Variants in CSMD1 observed in about 807,000 individuals in gnomAD.
The protein encoded by CSMD1 is CUB and Sushi multiple domains 1, also known as CUB and sushi domain-containing protein 1.
CSMD1 carries 213 observed loss-of-function variants against 417.5 expected under a neutral mutation model. The ratio of observed to expected loss-of-function variants is 0.51; its 90% CI spans 0.46 to 0.57. The LOEUF (loss-of-function observed/expected upper bound fraction) is 0.57, where lower values mean the gene tolerates loss of function less well. CSMD1 is among the 20% of genes least tolerant of loss of function. The pLI is 0.00. For synonymous variants in CSMD1, 2,862 were observed against 1,736.8 expected, an observed-to-expected ratio of 1.65 and a Z score of -16.11; for missense variants, 6,923 against 4,529.7, an observed-to-expected ratio of 1.53 and a Z score of -15.17.
chr8:4,349,208 G>A (rs975246974), intron 3 of CSMD1, among the ~76,000 whole-genome samples: 1 of 152,198 alleles, frequency 6.6e-6, no homozygotes, highest in African/African-American at 2.4e-5. Context: ...TAATCAGAAT[G>A]ACTATAAGAA....
chr8:3,521,190 C>A (rs937318532), intron 10 of CSMD1, among the ~76,000 whole-genome samples: 2 of 152,032 alleles, frequency 1.3e-5, no homozygotes, highest in Non-Finnish European at 2.9e-5. Context: ...CTATTTTTTT[C>A]ACACCCACCA....
intron 1 of CSMD1, among the ~76,000 whole-genome samples, chr8:4,810,195 C>A (rs1400868621): frequency 6.6e-6 from 1 of 152,198 alleles, no homozygotes. Context: ...GCAGTATTAA[C>A]TCACATCCAT....
intron 2 of CSMD1, among the ~76,000 whole-genome samples, chr8:4,614,822 A>G (rs1447635878): frequency 6.6e-6 from 1 of 152,224 alleles, no homozygotes; most frequent in Non-Finnish European, 1.5e-5. Context: ...AAAGATAATC[A>G]GACATTATTT....
At chr8:4,501,060 C>A (rs1295443002) in intron 2 of CSMD1, among the ~76,000 whole-genome samples, 1 of 151,122 alleles carries the variant, frequency 6.6e-6, no homozygotes, top group African/African-American at 2.4e-5. Flanking sequence ...AGACAGTGGG[C>A]CAAAAAAGAT....
At chr8:4,817,143 TTACA>T (rs1799255035) in intron 1 of CSMD1, among the ~76,000 whole-genome samples, 1 of 152,172 alleles carries the variant, frequency 6.6e-6, no homozygotes. Context: ...ATCATAATAT[TTACA>T]TAAATACACA....
At chr8:4,162,290 T>G (rs1797219964) in intron 3 of CSMD1, among the ~76,000 whole-genome samples, 2 of 152,224 alleles carry the variant, frequency 1.3e-5, no homozygotes. Flanking sequence ...TAAAGTTTGC[T>G]AAAGAAAACT....
intron 2 of CSMD1, among the ~76,000 whole-genome samples, chr8:4,451,077 G>A (rs1799114514): frequency 6.6e-6 from 1 of 152,146 alleles, no homozygotes; most frequent in Non-Finnish European, 1.5e-5. Context: ...AGTCAGTCAA[G>A]CACTTTGGGA....
chr8:3,708,273 C>G (rs1297906314), intron 7 of CSMD1, 141 bp downstream of exon 7: 1 of 671,862 alleles, frequency 1.5e-6, no homozygotes, highest in Non-Finnish European at 2.6e-6. Context: ...GTTCTTTCTC[C>G]CAGAAAATAC....
In CSMD1 at chr8:4,818,707, T is replaced by A. The variant is rs950288577; in HGVS notation, c.85+175625A>T. On this transcript the variant is annotated intron_variant, in intron 1 of 69. Coordinates refer to ENST00000635120, the MANE Select transcript of CSMD1 (RefSeq NM_033225.6). ...AAACATTTAGATGAAAAAACAATCA[T>A]CATGTAGCACAGAAAGTGCAAATGC... Among the ~76,000 whole-genome samples the A allele has an allele frequency of 2.6e-5, 4 of 152,170 alleles. 1 individual carries two copies. The South Asian group carries it at 6.2e-4, about 24-fold the overall frequency.
intron 23 of CSMD1, among the ~76,000 whole-genome samples, chr8:3,320,907 T>G (rs1806110990): frequency 6.6e-6 from 1 of 152,188 alleles, no homozygotes; most frequent in South Asian, 2.1e-4. Context: ...TGCACCTCAC[T>G]GACCGTAAAG....
At chr8:3,556,334 A>T (rs1384210263) in intron 10 of CSMD1, among the ~76,000 whole-genome samples, 2 of 148,144 alleles carry the variant, frequency 1.4e-5, no homozygotes, top group Non-Finnish European at 3.0e-5. Context: ...TATGTCCATG[A>T]GTTCAATTGA....
At chr8:4,051,579 C>A (rs895238736) in intron 3 of CSMD1, among the ~76,000 whole-genome samples, 1 of 152,200 alleles carries the variant, frequency 6.6e-6, no homozygotes, top group East Asian at 1.9e-4. Flanking sequence ...CCTCTGTCAA[C>A]GTCCTCAGAA....
chr8:4,841,636 C>A (rs1019148416), intron 1 of CSMD1, among the ~76,000 whole-genome samples: 3 of 152,036 alleles, frequency 2.0e-5, no homozygotes, highest in Non-Finnish European at 2.9e-5. Context: ...ACAGGTCAGG[C>A]GCGGTGGCTC....
At chr8:4,928,019 A>C (rs1258571968) in intron 1 of CSMD1, among the ~76,000 whole-genome samples, 1 of 152,182 alleles carries the variant, frequency 6.6e-6, no homozygotes, top group East Asian at 1.9e-4. Context: ...CCTCAGCGGC[A>C]AAAGTAGAAA....
At position 4,398,385 on chromosome 8, in the gene CSMD1, C is replaced by CTTTTTTTT. The variant is rs1317009143; in HGVS notation, c.415+21567_415+21568insAAAAAAAA. 5.6e-4 allele frequency among the ~76,000 whole-genome samples: 66 copies of CTTTTTTTT among 118,114 alleles called. 7 individuals are homozygous for CTTTTTTTT. The highest frequency in any genetic ancestry group is 7.3e-4 in the Non-Finnish European group (43 of 59,024). 77.5% of individuals were successfully genotyped at this position (118,114 alleles called of 152,430 possible). On this transcript the variant is annotated intron_variant, in intron 3 of 69. Coordinates refer to ENST00000635120, the MANE Select transcript of CSMD1 (RefSeq NM_033225.6). ...CTCTTTTTAAATTGTCTTGCTGCAACTTCTTTTTTTTTTTTTTTTTTTTGT... is the reference window on the plus strand; with the variant it reads ...CTCTTTTTAAATTGTCTTGCTGCAACTTTTTTTTTTCTTTTTTTTTTTTTTTTTTTTGT...
chr8:4,489,403 T>C (rs1801584134), intron 2 of CSMD1, among the ~76,000 whole-genome samples: 1 of 152,224 alleles, frequency 6.6e-6, no homozygotes, highest in African/African-American at 2.4e-5. Flanking sequence ...CCAAAACATT[T>C]ACCATTCTTC....
At chr8:4,357,669 T>C (rs1801506948) in intron 3 of CSMD1, among the ~76,000 whole-genome samples, 1 of 152,176 alleles carries the variant, frequency 6.6e-6, no homozygotes, top group Admixed American at 6.5e-5. Context: ...AAAGTTTTCT[T>C]CATGGTAGGA....
intron 5 of CSMD1, among the ~76,000 whole-genome samples, chr8:3,760,355 T>C (rs1389590524): frequency 1.3e-5 from 2 of 152,210 alleles, no homozygotes; most frequent in African/African-American, 4.8e-5. Flanking sequence ...GTTTTGCTTC[T>C]GCTAAGAGTT....
chr8:4,497,351 C>T (rs1044193493), intron 2 of CSMD1, among the ~76,000 whole-genome samples: 9 of 152,202 alleles, frequency 5.9e-5, no homozygotes, highest in African/African-American at 2.2e-4. Context: ...TATATAGCCA[C>T]TGGCCTGGCA....
Sources: gnomAD v4.1 joint callset for allele counts (sites outside exome capture counted in the v4.1 genomes callset) on GRCh38, gnomAD v4.1.1 for gene constraint, MANE v1.5 for transcripts, NCBI Gene and HGNC (gene_info 2026-07-23, HGNC 2026-07-21) for gene names.